Variants in SELENOT observed in about 807,000 individuals in gnomAD.
SELENOT encodes the protein thioredoxin reductase-like selenoprotein T.
In SELENOT, 9 loss-of-function variants were observed where a neutral mutation model predicts 24.3. The ratio of observed to expected loss-of-function variants is 0.37; its 90% CI spans 0.22 to 0.65. The LOEUF (loss-of-function observed/expected upper bound fraction) is 0.65. SELENOT is among the 30% of genes least tolerant of loss of function. The pLI is 0.60. For synonymous variants in SELENOT, 81 were observed against 86.0 expected, an observed-to-expected ratio of 0.94 and a Z score of 0.32; for missense variants, 166 against 247.6, an observed-to-expected ratio of 0.67 and a Z score of 2.21.
chr3:150,626,982 TG>T, intron 4 of SELENOT, 27 bp from the exon 5 acceptor site: 1 of 1,601,722 alleles, frequency 6.2e-7, no homozygotes, highest in Non-Finnish European at 8.5e-7. Flanking sequence ...TTTAATTTTT[TG>T]GGGGGCGGTG....
chr3:150,627,000 AT>A lies in SELENOT; in HGVS notation c.464-5del. The A allele has an allele frequency of 1.9e-6, 3 of 1,605,032 alleles. No homozygotes were observed. Among genetic ancestry groups the A allele is most frequent in the Non-Finnish European group, 2.5e-6 (3 of 1,177,538 alleles). ...AATTTTTTGGGGGGCGGTGCCATTTATTTTTATAGATGTACCTGTGTGGTCT... is the reference window on the plus strand; with the variant it reads ...AATTTTTTGGGGGGCGGTGCCATTTATTTTATAGATGTACCTGTGTGGTCT... On this transcript the variant is annotated splice_polypyrimidine_tract_variant and intron_variant, in intron 4 of 5. Transcript: ENST00000471696.
Position 150,611,922 on chromosome 3 carries a change from T to G in SELENOT, c.137+8423T>G. The G allele has an allele frequency of 4.2e-6, 4 of 944,720 alleles. No homozygotes were observed. The Admixed American group carries it at 1.2e-4, about 28-fold the overall frequency. 58.5% of individuals were successfully genotyped at this position (944,720 alleles called of 1,614,324 possible). On this transcript the variant is annotated intron_variant, in intron 1 of 5. Transcript: ENST00000471696. ...CCGGCGCTGACAGAAATCCCCACTC[T>G]CCTGGCCGCTCCGTCGGCGGCAGTT...
At chr3:150,615,263 C>G (rs1726185788) in intron 1 of SELENOT, among the ~76,000 whole-genome samples, 1 of 151,872 alleles carries the variant, frequency 6.6e-6, no homozygotes, top group East Asian at 1.9e-4. Flanking sequence ...TCCAGTCTAT[C>G]ATTGTTGGAC....
intron 1 of SELENOT, among the ~76,000 whole-genome samples, chr3:150,622,159 T>C (rs1726357198): frequency 6.6e-6 from 1 of 151,990 alleles, no homozygotes; most frequent in Non-Finnish European, 1.5e-5. Flanking sequence ...TACTGGCATA[T>C]ATAAAGTTTA....
intron 4 of SELENOT, 77 bp downstream of exon 4, chr3:150,624,976 A>G: frequency 5.7e-6 from 4 of 702,858 alleles, no homozygotes; most frequent in Non-Finnish European, 8.7e-6. Flanking sequence ...ATCTTTTATA[A>G]TAAGATAAAC....
intron 4 of SELENOT, among the ~76,000 whole-genome samples, chr3:150,625,965 GT>G (rs1326295074): frequency 1.6e-4 from 24 of 151,556 alleles, no homozygotes; most frequent in African/African-American, 5.1e-4. Flanking sequence ...TGCCTCCCAG[GT>G]TCACGCCATT....
At chr3:150,606,445 G>A (rs1219065273) in intron 1 of SELENOT, among the ~76,000 whole-genome samples, 1 of 152,098 alleles carries the variant, frequency 6.6e-6, no homozygotes, top group Admixed American at 6.5e-5. Flanking sequence ...AGTATTACTT[G>A]TGTATCTGAG....
chr3:150,620,794 G>A (rs1726325335), intron 1 of SELENOT, among the ~76,000 whole-genome samples: 1 of 152,154 alleles, frequency 6.6e-6, no homozygotes, highest in Admixed American at 6.6e-5. Context: ...TTGGTTTTAA[G>A]GTAGTTAGGC....
chr3:150,612,694 G>A (rs1315090458), intron 1 of SELENOT, among the ~76,000 whole-genome samples: 1 of 152,136 alleles, frequency 6.6e-6, no homozygotes, highest in African/African-American at 2.4e-5. Context: ...TTCCCCTGTT[G>A]GTGAGTCAGA....
At chr3:150,613,291 TAGACCCTG>T (rs576594666) in intron 1 of SELENOT, among the ~76,000 whole-genome samples, 86 of 152,352 alleles carry the variant, frequency 5.6e-4, no homozygotes, top group African/African-American at 1.9e-3. Context: ...CACCTCCCAT[TAGACCCTG>T]CCTCCCAACA....
intron 1 of SELENOT, among the ~76,000 whole-genome samples, chr3:150,619,719 G>A (rs1443538879): frequency 6.6e-6 from 1 of 152,202 alleles, no homozygotes; most frequent in Non-Finnish European, 1.5e-5. Context: ...AGAAATGGGT[G>A]AGATGGTAGA....
intron 1 of SELENOT, among the ~76,000 whole-genome samples, chr3:150,610,417 AC>A (rs1726062036): frequency 6.6e-6 from 1 of 152,222 alleles, no homozygotes; most frequent in African/African-American, 2.4e-5. Flanking sequence ...CATCTTAGTA[AC>A]CAAAAACAGT....
At chr3:150,604,153 G>A (rs751018754) in intron 1 of SELENOT, among the ~76,000 whole-genome samples, 7 of 152,344 alleles carry the variant, frequency 4.6e-5, no homozygotes, top group Middle Eastern at 3.4e-3. Flanking sequence ...TCTAAACATT[G>A]ACAGTTCGCT....
At chr3:150,617,908 G>T (rs1726255262) in intron 1 of SELENOT, among the ~76,000 whole-genome samples, 1 of 152,310 alleles carries the variant, frequency 6.6e-6, no homozygotes, top group Non-Finnish European at 1.5e-5. Context: ...GAGTGCAGGA[G>T]TGCAGTGGTG....
At chr3:150,611,787 C>G in intron 1 of SELENOT, 1 of 1,104,640 alleles carries the variant, frequency 9.1e-7, no homozygotes, top group Non-Finnish European at 1.3e-6. Flanking sequence ...GCGCCCGGCC[C>G]CTCAGCCCCG....
chr3:150,608,318 C>A (rs1229440070), intron 1 of SELENOT, among the ~76,000 whole-genome samples: 1 of 152,162 alleles, frequency 6.6e-6, no homozygotes, highest in African/African-American at 2.4e-5. Flanking sequence ...TACTTTATTA[C>A]ATCAAACCTA....
chr3:150,614,014 T>C (rs1344866167), intron 1 of SELENOT, among the ~76,000 whole-genome samples: 2 of 152,150 alleles, frequency 1.3e-5, no homozygotes, highest in Admixed American at 1.3e-4. Flanking sequence ...GGTTTATTTT[T>C]TTTTTTAATC....
chr3:150,618,446 C>T (rs1458568624), intron 1 of SELENOT, among the ~76,000 whole-genome samples: 1 of 151,986 alleles, frequency 6.6e-6, no homozygotes, highest in Non-Finnish European at 1.5e-5. Flanking sequence ...TTATGATGGG[C>T]CTAGGTTTGA....
chr3:150,622,364 G>C, intron 1 of SELENOT, 21 bp from the exon 2 acceptor site: 1 of 1,236,574 alleles, frequency 8.1e-7, no homozygotes, highest in Non-Finnish European at 1.1e-6. Context: ...TGACTTAATG[G>C]AAACACTTAT....
Sources: gnomAD v4.1 joint callset for allele counts (sites outside exome capture counted in the v4.1 genomes callset) on GRCh38, gnomAD v4.1.1 for gene constraint, MANE v1.5 for transcripts, NCBI Gene and HGNC (gene_info 2026-07-23, HGNC 2026-07-21) for gene names.